FAM107B: variants seen among roughly 807,000 people sequenced by gnomAD.
The protein encoded by FAM107B is family with sequence similarity 107 member B.
Under a neutral mutation model 31.5 loss-of-function variants are expected in FAM107B, and 21 were observed. That is an observed-to-expected ratio of 0.67 (90% CI 0.47 to 0.96). FAM107B has a LOEUF of 0.96. FAM107B is among the 40% of genes least tolerant of loss of function. The probability of loss-of-function intolerance (pLI) is 0.00; values close to 1 mark genes in which losing one functional copy is unlikely to be tolerated. For missense variants in FAM107B, 452 were observed against 377.1 expected (o/e 1.20, Z -1.64); for synonymous variants, 157 against 141.5 (o/e 1.11, Z -0.78).
chr10:14,570,794 T>TC (rs1180850241), intron 2 of FAM107B, among the ~76,000 whole-genome samples: 2 of 93,794 alleles, frequency 2.1e-5, no homozygotes, highest in Non-Finnish European at 4.9e-5. Flanking sequence ...AGAGTGAGAC[T>TC]CCATCTCAAA....
At chr10:14,574,693 G>A (rs7073026) in intron 2 of FAM107B, among the ~76,000 whole-genome samples, 54,963 of 152,052 alleles carry the variant, frequency 0.36, 10,040 homozygotes, top group South Asian at 0.54. Flanking sequence ...AAAGAATTAC[G>A]AAATTATACT....
At chr10:14,703,833 A>G (rs1266026319) in intron 1 of FAM107B, among the ~76,000 whole-genome samples, 1 of 152,214 alleles carries the variant, frequency 6.6e-6, no homozygotes, top group Non-Finnish European at 1.5e-5. Context: ...TAAGGTTGCC[A>G]TTTATGAGCA....
At chr10:14,704,154 A>C (rs1855468831) in intron 1 of FAM107B, among the ~76,000 whole-genome samples, 1 of 152,138 alleles carries the variant, frequency 6.6e-6, no homozygotes, top group South Asian at 2.1e-4. Context: ...ACATCACTGA[A>C]GAATGTTAAA....
chr10:14,727,205 G>T (rs937068263), intron 1 of FAM107B, among the ~76,000 whole-genome samples: 1 of 152,114 alleles, frequency 6.6e-6, no homozygotes, highest in Non-Finnish European at 1.5e-5. Flanking sequence ...CTCTCCCACT[G>T]CTCACCTCCT....
intron 2 of FAM107B, among the ~76,000 whole-genome samples, chr10:14,619,331 G>A (rs766083715): frequency 9.9e-5 from 15 of 152,188 alleles, no homozygotes; most frequent in Non-Finnish European, 1.8e-4. Context: ...GAGAGTCCTG[G>A]TTGTTCTATG....
chr10:14,692,848 G>A (rs1044611310), intron 1 of FAM107B, among the ~76,000 whole-genome samples: 5 of 152,306 alleles, frequency 3.3e-5, no homozygotes, highest in Admixed American at 1.3e-4. Flanking sequence ...TATGTGCCAC[G>A]TGAGAATAAA....
intron 1 of FAM107B, among the ~76,000 whole-genome samples, chr10:14,751,866 G>A (rs987560545): frequency 8.6e-5 from 13 of 151,978 alleles, no homozygotes; most frequent in Middle Eastern, 3.2e-3. Flanking sequence ...TTCCACTTCC[G>A]CCTCCAAAGG....
At chr10:14,613,645 T>C (rs1327874116) in intron 2 of FAM107B, among the ~76,000 whole-genome samples, 1 of 152,182 alleles carries the variant, frequency 6.6e-6, no homozygotes, top group Non-Finnish European at 1.5e-5. Flanking sequence ...TATCAAATTC[T>C]GCCTGGCCCA....
intron 2 of FAM107B, among the ~76,000 whole-genome samples, chr10:14,631,919 T>C (rs984973830): frequency 1.3e-5 from 2 of 152,120 alleles, no homozygotes; most frequent in Non-Finnish European, 2.9e-5. Flanking sequence ...ATAAGGTAGG[T>C]TGCCATACGA....
At chr10:14,610,958 A>G (rs187890120) in intron 2 of FAM107B, among the ~76,000 whole-genome samples, 2 of 152,258 alleles carry the variant, frequency 1.3e-5, no homozygotes, top group African/African-American at 2.4e-5. Flanking sequence ...CTTGCTTTTC[A>G]TTGTTCACAA....
chr10:14,527,338 G>A (rs1846383836), intron 3 of FAM107B, among the ~76,000 whole-genome samples: 1 of 152,176 alleles, frequency 6.6e-6, no homozygotes, highest in Non-Finnish European at 1.5e-5. Context: ...ACAGTAAATA[G>A]AGGAATAGGA....
intron 2 of FAM107B, among the ~76,000 whole-genome samples, chr10:14,664,481 C>T (rs1286115600): frequency 6.6e-6 from 1 of 152,162 alleles, no homozygotes; most frequent in Admixed American, 6.6e-5. Context: ...TTTACTGTAC[C>T]TCTTTTATGG....
chr10:14,710,319 G>A (rs1455692888), intron 1 of FAM107B, among the ~76,000 whole-genome samples: 2 of 152,014 alleles, frequency 1.3e-5, no homozygotes, highest in African/African-American at 4.8e-5. Flanking sequence ...GCTGAGGCAG[G>A]AGGATTGCTT....
intron 1 of FAM107B, among the ~76,000 whole-genome samples, chr10:14,728,287 C>A (rs548872834): frequency 6.6e-6 from 1 of 151,800 alleles, no homozygotes; most frequent in African/African-American, 2.4e-5. Flanking sequence ...TAGCCAGCAA[C>A]GATCTTTCTC....
chr10:14,572,525 T>A (rs1254266050), intron 2 of FAM107B, among the ~76,000 whole-genome samples: 1 of 151,822 alleles, frequency 6.6e-6, no homozygotes, highest in Non-Finnish European at 1.5e-5. Flanking sequence ...GCCCACTTTA[T>A]AAAATGTGCT....
At chr10:14,521,658 T>C (rs901388521) in intron 4 of FAM107B, among the ~76,000 whole-genome samples, 1 of 152,242 alleles carries the variant, frequency 6.6e-6, no homozygotes, top group African/African-American at 2.4e-5. Context: ...CCTGTTTTGC[T>C]TTTGCCTCTG....
intron 1 of FAM107B, among the ~76,000 whole-genome samples, chr10:14,710,376 A>C (rs1386928576): frequency 1.3e-5 from 2 of 151,790 alleles, no homozygotes; most frequent in Non-Finnish European, 2.9e-5. Flanking sequence ...GCACCACTAT[A>C]CTCCAGCATG....
intron 1 of FAM107B, among the ~76,000 whole-genome samples, chr10:14,708,359 G>A (rs187488933): frequency 2.6e-5 from 4 of 152,114 alleles, no homozygotes; most frequent in African/African-American, 9.6e-5. Context: ...GAGATTACAG[G>A]CATGAGCCAC....
chr10:14,583,086 C>CAAAAAAAAAAA (rs60205603), intron 2 of FAM107B, among the ~76,000 whole-genome samples: 1 of 56,356 alleles, frequency 1.8e-5, no homozygotes, highest in Non-Finnish European at 3.8e-5. Context: ...GACTCTGTCT[C>CAAAAAAAAAAA]AAAAAAAAAA....
Sources: allele counts gnomAD v4.1 joint callset (sites outside exome capture counted in the v4.1 genomes callset), GRCh38; gene constraint gnomAD v4.1.1; transcripts MANE v1.5; gene names NCBI Gene and HGNC (gene_info 2026-07-23, HGNC 2026-07-21).